The following DPY30 variants were observed in gnomAD, a reference collection of about 807,000 sequenced individuals.
DPY30 encodes dpy-30 histone methyltransferase complex regulatory subunit.
In DPY30, 6 loss-of-function variants were observed where a neutral mutation model predicts 16.2. That is an observed-to-expected ratio of 0.37 (90% CI 0.20 to 0.73). DPY30 has a LOEUF of 0.73. Ranked by LOEUF, DPY30 falls within the 30% of genes least tolerant of loss-of-function variation. The pLI is 0.51. For synonymous variants in DPY30, 39 were observed against 38.8 expected, an observed-to-expected ratio of 1.00 and a Z score of -0.02; for missense variants, 73 against 113.1, an observed-to-expected ratio of 0.65 and a Z score of 1.61.
intron 3 of DPY30, among the ~76,000 whole-genome samples, chr2:32,036,318 T>C (rs1051372848): frequency 6.6e-5 from 10 of 151,956 alleles, no homozygotes; most frequent in African/African-American, 2.4e-4. Flanking sequence ...CTTCCAAGTT[T>C]GATGAAAATT....
At chr2:32,023,829 A>G (rs1466279589), downstream of DPY30, 2 of 1,305,112 alleles carry the variant, frequency 1.5e-6, no homozygotes, top group Non-Finnish European at 2.0e-6. Flanking sequence ...TGAAGACAGA[A>G]GAAAAAGAGA....
intron 3 of DPY30, among the ~76,000 whole-genome samples, chr2:32,030,852 C>T (rs1316320036): frequency 6.6e-6 from 1 of 151,858 alleles, no homozygotes; most frequent in East Asian, 1.9e-4. Context: ...TAAGAAAATA[C>T]ATTATGTAAA....
downstream of DPY30, among the ~76,000 whole-genome samples, chr2:32,019,684 G>C (rs1405918032): frequency 1.3e-5 from 2 of 151,428 alleles, no homozygotes; most frequent in Non-Finnish European, 2.9e-5. Context: ...GTTGGGTGTG[G>C]TGGTGTGCGC....
chr2:32,026,760 T>A (rs1474125615), intron 4 of DPY30, among the ~76,000 whole-genome samples: 3 of 151,822 alleles, frequency 2.0e-5, no homozygotes, highest in Middle Eastern at 3.4e-3. Context: ...TGCACTCCAC[T>A]CTGAGCAACA....
intron 4 of DPY30, among the ~76,000 whole-genome samples, chr2:32,027,837 C>G (rs1675390339): frequency 6.6e-6 from 1 of 151,846 alleles, no homozygotes; most frequent in Admixed American, 6.6e-5. Flanking sequence ...ACTGCATTAG[C>G]CAGGATGGTC....
chr2:32,034,285 G>C (rs1329067526), intron 3 of DPY30, among the ~76,000 whole-genome samples: 1 of 152,116 alleles, frequency 6.6e-6, no homozygotes, highest in African/African-American at 2.4e-5. Context: ...AAGAAAAGAG[G>C]TTTATTTGGC....
At chr2:32,033,402 G>A (rs552481163) in intron 3 of DPY30, among the ~76,000 whole-genome samples, 1 of 152,304 alleles carries the variant, frequency 6.6e-6, no homozygotes, top group African/African-American at 2.4e-5. Context: ...GCCGGGCATG[G>A]TGGCTCACGC....
rs566432963 is a variant in DPY30, at chr2:32,034,299, A to C, written c.85-4563T>G. ...AAAGAAAAGAGGTTTATTTGGCCAC[A>C]GTTCTGCAAGCTACACAAGCATGGC... On this transcript the variant is annotated intron_variant, in intron 3 of 4. Transcript: ENST00000342166. Among the ~76,000 whole-genome samples the C allele has an allele frequency of 1.2e-3, 176 of 152,338 alleles. 1 individual carries two copies. The highest frequency in any genetic ancestry group is 0.01 in the Middle Eastern group (3 of 294).
chr2:32,026,456 T>G (rs1192523306), intron 4 of DPY30, among the ~76,000 whole-genome samples: 2 of 151,978 alleles, frequency 1.3e-5, no homozygotes, highest in Non-Finnish European at 2.9e-5. Flanking sequence ...TTTACGAGCT[T>G]GAACTTAAAA....
chr2:32,013,164 T>C (rs1273196486), intron 5 of DPY30: 1 of 152,210 alleles, frequency 6.6e-6, no homozygotes, highest in African/African-American at 2.4e-5. Flanking sequence ...GCTGTGAGAA[T>C]TATTAAGGTA....
chr2:32,022,008 G>A (rs1396994840), downstream of DPY30, among the ~76,000 whole-genome samples: 5 of 151,536 alleles, frequency 3.3e-5, no homozygotes, highest in Admixed American at 2.6e-4. Context: ...TCAGGAATTC[G>A]AGACCAGCCT....
At chr2:32,021,680 A>G (rs1211621494), downstream of DPY30, among the ~76,000 whole-genome samples, 1 of 147,356 alleles carries the variant, frequency 6.8e-6, no homozygotes, top group African/African-American at 2.5e-5. Context: ...CTCCATCTCA[A>G]AAAAAAAAAA....
At chr2:32,027,577 A>C (rs1309702894) in intron 4 of DPY30, among the ~76,000 whole-genome samples, 1 of 150,950 alleles carries the variant, frequency 6.6e-6, no homozygotes, top group Non-Finnish European at 1.5e-5. Context: ...GATCTGTAAG[A>C]CTATCAACAA....
At chr2:32,022,290 GAGTT>G (rs1675202547), downstream of DPY30, among the ~76,000 whole-genome samples, 1 of 151,342 alleles carries the variant, frequency 6.6e-6, no homozygotes. Flanking sequence ...ATTAACTTAT[GAGTT>G]AGCCAAATAA....
At chr2:32,018,672 A>G (rs1675108184) in intron 5 of DPY30, among the ~76,000 whole-genome samples, 1 of 151,776 alleles carries the variant, frequency 6.6e-6, no homozygotes, top group African/African-American at 2.4e-5. Context: ...GGTTGCAGAG[A>G]GCATGCCATT....
chr2:32,033,967 C>T (rs1445056412), intron 3 of DPY30, among the ~76,000 whole-genome samples: 1 of 152,066 alleles, frequency 6.6e-6, no homozygotes, highest in African/African-American at 2.4e-5. Context: ...GCTTGGAGAA[C>T]TTACAGGATA....
downstream of DPY30, chr2:32,023,327 C>T: frequency 2.3e-6 from 1 of 431,664 alleles, no homozygotes; most frequent in South Asian, 1.8e-5. Context: ...AGAATAGACC[C>T]CAAAAAGGAC....
At chr2:32,036,344 A>C (rs1675736748) in intron 3 of DPY30, among the ~76,000 whole-genome samples, 1 of 152,054 alleles carries the variant, frequency 6.6e-6, no homozygotes, top group Non-Finnish European at 1.5e-5. Flanking sequence ...CCACAGATCC[A>C]AGAAGCTCAA....
intron 5 of DPY30, among the ~76,000 whole-genome samples, chr2:32,012,487 G>A (rs2148647002): frequency 7.7e-6 from 1 of 129,104 alleles, no homozygotes; most frequent in East Asian, 2.3e-4. Context: ...CTGGAGTGCA[G>A]TGGCTCGATC....
Sources: gnomAD v4.1 joint callset for allele counts (sites outside exome capture counted in the v4.1 genomes callset) on GRCh38, gnomAD v4.1.1 for gene constraint, MANE v1.5 for transcripts, NCBI Gene and HGNC (gene_info 2026-07-23, HGNC 2026-07-21) for gene names.